NYAP2: variants seen among roughly 807,000 people sequenced by gnomAD.
The protein encoded by NYAP2 is neuronal tyrosine-phosphorylated phosphoinositide-3-kinase adaptor 2.
Under a neutral mutation model 50.4 loss-of-function variants are expected in NYAP2, and 23 were observed. The ratio of observed to expected loss-of-function variants is 0.46; its 90% CI spans 0.33 to 0.65. The LOEUF (loss-of-function observed/expected upper bound fraction) is 0.65. NYAP2 is among the 30% of genes least tolerant of loss of function. The pLI, the probability that NYAP2 is intolerant of heterozygous loss-of-function variation, is 0.02. For missense variants in NYAP2, 885 were observed against 861.0 expected, an observed-to-expected ratio of 1.03 and a Z score of -0.35; for synonymous variants, 394 against 365.2, an observed-to-expected ratio of 1.08 and a Z score of -0.90.
At chr2:225,581,814 C>A in intron 4 of NYAP2, 127 bp from the exon 5 acceptor site, 1 of 885,358 alleles carries the variant, frequency 1.1e-6, no homozygotes, top group South Asian at 1.8e-5. Context: ...TACTCTGAAA[C>A]TCAAACTAAG....
chr2:225,539,914 A>C (rs1691427471), intron 4 of NYAP2, among the ~76,000 whole-genome samples: 1 of 152,120 alleles, frequency 6.6e-6, no homozygotes, highest in Non-Finnish European at 1.5e-5. Flanking sequence ...GCTGCTTAGA[A>C]ATTTCTTCTG....
At chr2:225,703,222 T>A in the NYAP2 span, 1 of 151,770 alleles carries the variant, frequency 6.6e-6, no homozygotes, top group Admixed American at 6.6e-5. Flanking sequence ...TTTTAGTGGA[T>A]AACGGCACTA....
intron 4 of NYAP2, among the ~76,000 whole-genome samples, chr2:225,515,004 T>C (rs1690902203): frequency 6.6e-6 from 1 of 152,210 alleles, no homozygotes; most frequent in African/African-American, 2.4e-5. Flanking sequence ...GTCCATGAGA[T>C]CAGATGCCTA....
chr2:225,494,416 A>G (rs150267289), intron 3 of NYAP2, among the ~76,000 whole-genome samples: 78 of 152,342 alleles, frequency 5.1e-4, no homozygotes, highest in East Asian at 7.7e-4. Context: ...TTTCAGTCAC[A>G]TCCAGTCCCA....
intron 4 of NYAP2, among the ~76,000 whole-genome samples, chr2:225,552,968 G>A (rs114269941): frequency 1.5e-3 from 225 of 152,274 alleles, no homozygotes; most frequent in African/African-American, 5.2e-3. Flanking sequence ...TTACAGGCGT[G>A]AGCCACCACC....
chr2:225,459,074 G>A (rs966502595), intron 3 of NYAP2, among the ~76,000 whole-genome samples: 1 of 152,174 alleles, frequency 6.6e-6, no homozygotes, highest in Admixed American at 6.5e-5. Context: ...CAAAGAGTGA[G>A]AAATATTCAT....
At position 225,582,521 on chromosome 2, in the gene NYAP2, C is replaced by T. The variant is rs1391070903; in HGVS notation, c.1104C>T (p.Asn368=). 4.5e-6 allele frequency: 7 copies of T among 1,547,860 alleles called. No individual in the cohort carries two copies. In the Admixed American group the frequency reaches 5.6e-5, roughly 12 times the overall value. Residue 368 remains asparagine, a synonymous_variant, in exon 5 of 7, where the codon AAC becomes AAT. Coordinates refer to ENST00000636099, the Ensembl canonical transcript of NYAP2. The surrounding 1 kb of genome is among the most constrained non-coding windows in gnomAD (Gnocchi z 7.0). The stretch of plus-strand genomic sequence containing the variant: ...TCACGAAGCTTCCCGTGCTGGAAAA[C>T]GTGTCTTACATGAAACAGCCAGCCG...
rs546607060 is a variant in NYAP2 at position 225,504,926 on chromosome 2, T to A, written c.222-8445T>A. Among the ~76,000 whole-genome samples, 26 of 151,812 alleles carry A rather than the reference T, an allele frequency of 1.7e-4. No homozygotes were observed. In the South Asian group the frequency reaches 5.4e-3, roughly 32 times the overall value. Reference sequence around the variant, plus strand: ...GGGAGGCTGAGGCAGAATAGTTGCTTGAACCTGGGAGGCAGAGGTTGCAGT... The same window carrying A: ...GGGAGGCTGAGGCAGAATAGTTGCTAGAACCTGGGAGGCAGAGGTTGCAGT... On this transcript the variant is annotated intron_variant, in intron 3 of 6. Coordinates refer to ENST00000636099, the Ensembl canonical transcript of NYAP2.
the NYAP2 span, among the ~76,000 whole-genome samples, chr2:225,683,010 T>TCC: frequency 3.3e-5 from 5 of 150,954 alleles, 1 homozygote; most frequent in East Asian, 3.9e-4. Flanking sequence ...AATAGTCATT[T>TCC]CCCCCCCCCA....
At chr2:225,625,720 G>A (rs933065726) in intron 5 of NYAP2, among the ~76,000 whole-genome samples, 10 of 152,030 alleles carry the variant, frequency 6.6e-5, no homozygotes, top group Non-Finnish European at 1.3e-4. Context: ...GAAGGAAAGA[G>A]CAAGAAGGTG....
intron 2 of NYAP2, among the ~76,000 whole-genome samples, chr2:225,403,157 A>G (rs1186907100): frequency 6.6e-6 from 1 of 151,952 alleles, no homozygotes; most frequent in Non-Finnish European, 1.5e-5. Flanking sequence ...GATCAATACT[A>G]CTAGAAAAAA....
chr2:225,562,048 A>G (rs1294354692), intron 4 of NYAP2, among the ~76,000 whole-genome samples: 2 of 152,146 alleles, frequency 1.3e-5, no homozygotes, highest in African/African-American at 4.8e-5. Context: ...AATCTGGAAG[A>G]CAGAGTGGGG....
At chr2:225,404,714 A>G (rs913896932) in intron 2 of NYAP2, among the ~76,000 whole-genome samples, 1 of 151,976 alleles carries the variant, frequency 6.6e-6, no homozygotes, top group East Asian at 1.9e-4. Context: ...AAATAAAATA[A>G]AGCTGAACAA....
At chr2:225,424,937 TA>T (rs1334286441) in intron 3 of NYAP2, among the ~76,000 whole-genome samples, 1 of 152,086 alleles carries the variant, frequency 6.6e-6, no homozygotes, top group African/African-American at 2.4e-5. Context: ...ATGAAGTATA[TA>T]AAAAAAGATT....
the NYAP2 span, chr2:225,699,573 TTC>T: frequency 6.6e-6 from 1 of 151,928 alleles, no homozygotes; most frequent in African/African-American, 2.4e-5. Context: ...ATGCCAATCT[TTC>T]TAAAAGTTTA....
At chr2:225,407,708 T>C (rs964338789) in intron 2 of NYAP2, among the ~76,000 whole-genome samples, 27 of 152,104 alleles carry the variant, frequency 1.8e-4, no homozygotes, top group African/African-American at 5.3e-4. Flanking sequence ...AAGAAAAACA[T>C]GCAAGGGAAT....
intron 3 of NYAP2, among the ~76,000 whole-genome samples, chr2:225,475,760 A>G (rs1690093211): frequency 6.6e-6 from 1 of 152,198 alleles, no homozygotes; most frequent in Admixed American, 6.5e-5. Context: ...TGTGGGATAT[A>G]TTTTCATAAT....
chr2:225,558,770 T>C (rs1691818781), intron 4 of NYAP2, among the ~76,000 whole-genome samples: 1 of 152,172 alleles, frequency 6.6e-6, no homozygotes, highest in South Asian at 2.1e-4. Context: ...AATTTATGGT[T>C]GCAGCTTCCT....
intron 4 of NYAP2, among the ~76,000 whole-genome samples, chr2:225,542,341 G>A (rs1691488934): frequency 6.6e-6 from 1 of 152,118 alleles, no homozygotes. Flanking sequence ...ACCTTGTCAT[G>A]TTCCAGATCT....
Sources: gnomAD v4.1 joint callset for allele counts (sites outside exome capture counted in the v4.1 genomes callset) on GRCh38, gnomAD v4.1.1 for gene constraint, Gnocchi (gnomAD v3.1) non-coding constraint, MANE v1.5 for transcripts, NCBI Gene and HGNC (gene_info 2026-07-23, HGNC 2026-07-21) for gene names.